The following SMYD3 variants were observed in gnomAD, a reference collection of about 807,000 sequenced individuals.
The protein encoded by SMYD3 is SET and MYND domain containing 3.
Under a neutral mutation model 57.7 loss-of-function variants are expected in SMYD3, and 36 were observed. That is an observed-to-expected ratio of 0.62 (90% CI 0.48 to 0.82). The LOEUF (loss-of-function observed/expected upper bound fraction) is 0.82, where lower values mean the gene tolerates loss of function less well. Among genes scored for constraint, SMYD3 ranks in the 40% least tolerant of loss-of-function variants. SMYD3 has a pLI of 0.00. For missense variants in SMYD3, 515 were observed against 538.8 expected, an observed-to-expected ratio of 0.96 and a Z score of 0.44; for synonymous variants, 211 against 195.0, an observed-to-expected ratio of 1.08 and a Z score of -0.68.
At chr1:245,961,697 G>A (rs1223367511) in intron 5 of SMYD3, among the ~76,000 whole-genome samples, 1 of 151,858 alleles carries the variant, frequency 6.6e-6, no homozygotes, top group African/African-American at 2.4e-5. Flanking sequence ...TTTTCACACA[G>A]TGCTCTAAGG....
intron 10 of SMYD3, among the ~76,000 whole-genome samples, chr1:245,791,777 A>G (rs1387133155): frequency 4.0e-5 from 6 of 150,346 alleles, no homozygotes; most frequent in Non-Finnish European, 8.9e-5. Flanking sequence ...GCCACTGAAA[A>G]CCTCCTCCTC....
chr1:246,256,515 G>T (rs981512046), intron 5 of SMYD3, among the ~76,000 whole-genome samples: 2 of 152,116 alleles, frequency 1.3e-5, no homozygotes, highest in Admixed American at 1.3e-4. Context: ...GTTTCTGTGG[G>T]ATCGGTTGTA....
At position 246,355,269 on chromosome 1, in the gene SMYD3, T is replaced by C; in HGVS notation, c.165-175A>G. ...GATGAGCCTCCTCTTGAACCTTCCA[T>C]GTGAGACACTGATAGAAAAACTAAG... is the stretch of plus-strand genomic sequence containing the variant. On this transcript the variant is annotated intron_variant, in intron 1 of 11. Transcript: ENST00000490107. The surrounding 1 kb of genome is among the most constrained non-coding windows in gnomAD (Gnocchi z 5.0). 1.7e-6 allele frequency: 1 copy of C among 593,896 alleles called. No homozygotes were observed. Among genetic ancestry groups the C allele is most frequent in the Non-Finnish European group, 3.0e-6 (1 of 336,502 alleles). 36.8% of individuals were successfully genotyped at this position (593,896 alleles called of 1,614,324 possible). A position where few individuals can be genotyped will look rare whatever the true frequency, so the allele number is the denominator to read the frequency against.
intron 5 of SMYD3, among the ~76,000 whole-genome samples, chr1:246,049,915 C>T (rs1254227819): frequency 6.6e-6 from 1 of 152,054 alleles, no homozygotes; most frequent in African/African-American, 2.4e-5. Flanking sequence ...CAGTGGTTTC[C>T]ACCAAGATAA....
At chr1:246,005,063 G>A (rs2059145593) in intron 5 of SMYD3, among the ~76,000 whole-genome samples, 1 of 152,176 alleles carries the variant, frequency 6.6e-6, no homozygotes, top group South Asian at 2.1e-4. Context: ...TGCCCATGCT[G>A]GTCTCAAACT....
chr1:246,140,985 T>C (rs892382620), intron 5 of SMYD3, among the ~76,000 whole-genome samples: 3 of 152,208 alleles, frequency 2.0e-5, no homozygotes, highest in Admixed American at 2.0e-4. Flanking sequence ...ATCTTTAGGA[T>C]CAATACTTAC....
At chr1:246,324,070 C>T (rs1346093435) in intron 5 of SMYD3, among the ~76,000 whole-genome samples, 2 of 152,086 alleles carry the variant, frequency 1.3e-5, no homozygotes, top group East Asian at 3.8e-4. Context: ...AAGACATAAG[C>T]AATTTTAGAA....
At chr1:245,994,021 C>T (rs746629382) in intron 5 of SMYD3, among the ~76,000 whole-genome samples, 18 of 152,172 alleles carry the variant, frequency 1.2e-4, no homozygotes, top group Non-Finnish European at 1.9e-4. Context: ...CATAGAAAAT[C>T]GTTCCGTTCT....
chr1:246,006,824 C>T (rs1421748885), intron 5 of SMYD3, among the ~76,000 whole-genome samples: 2 of 152,086 alleles, frequency 1.3e-5, no homozygotes, highest in East Asian at 1.9e-4. Flanking sequence ...CACATAATCG[C>T]GGGGCTATTG....
At chr1:245,913,394 G>A (rs1397525031) in intron 8 of SMYD3, among the ~76,000 whole-genome samples, 4 of 151,678 alleles carry the variant, frequency 2.6e-5, no homozygotes, top group Admixed American at 1.3e-4. Flanking sequence ...GATAGCATTA[G>A]GAGATATACC....
rs199722545 is a variant in SMYD3, at chr1:245,786,513, C to CTCTCCAGCCA, written c.1077-22374_1077-22365dup. 9.4e-3 allele frequency among the ~76,000 whole-genome samples: 1,429 copies of CTCTCCAGCCA among 152,202 alleles called. 17 individuals carry two copies. The highest frequency in any genetic ancestry group is 0.031 in the African/African-American group (1,299 of 41,510). ...CAGCCTGTGCTTCCTGAACCCAGCT[C>CTCTCCAGCCA]TCTCCAGCCATCTCATTGCCTCACT... On this transcript the variant is annotated intron_variant, in intron 10 of 11. Transcript: ENST00000490107.
chr1:246,436,451 C>T (rs1282626038), intron 1 of SMYD3, among the ~76,000 whole-genome samples: 1 of 152,136 alleles, frequency 6.6e-6, no homozygotes, highest in Non-Finnish European at 1.5e-5. Context: ...ACAATAATAG[C>T]ACAGAGGATT....
intron 5 of SMYD3, among the ~76,000 whole-genome samples, chr1:246,197,518 C>T (rs1414906037): frequency 2.0e-5 from 3 of 152,224 alleles, no homozygotes; most frequent in East Asian, 1.9e-4. Flanking sequence ...CTTCTTTCCA[C>T]GTAAGGTACG....
intron 5 of SMYD3, among the ~76,000 whole-genome samples, chr1:246,129,454 C>T (rs541268081): frequency 6.6e-6 from 1 of 151,862 alleles, no homozygotes; most frequent in South Asian, 2.1e-4. Context: ...TGGTTGACCT[C>T]AGCTTTTTTG....
intron 5 of SMYD3, among the ~76,000 whole-genome samples, chr1:246,050,277 T>G (rs2060045119): frequency 6.6e-6 from 1 of 152,156 alleles, no homozygotes; most frequent in African/African-American, 2.4e-5. Flanking sequence ...CACACAAAAA[T>G]AGTTCACAGA....
chr1:246,459,443 C>G (rs552931452), intron 1 of SMYD3, among the ~76,000 whole-genome samples: 22 of 151,856 alleles, frequency 1.4e-4, no homozygotes, highest in African/African-American at 5.3e-4. Context: ...TGTGGCACGT[C>G]CCCCTTCACT....
At chr1:246,103,190 T>C (rs1265886199) in intron 5 of SMYD3, among the ~76,000 whole-genome samples, 1 of 152,188 alleles carries the variant, frequency 6.6e-6, no homozygotes, top group Admixed American at 6.5e-5. Context: ...ATCAGAAAAC[T>C]GTCAGTCAAG....
rs74760202 is a variant in SMYD3, at chr1:246,301,575, A to G, written c.531+25626T>C. 3.3e-4 allele frequency among the ~76,000 whole-genome samples: 51 copies of G among 152,296 alleles called. No individual in the cohort carries two copies. In the East Asian group the frequency reaches 8.9e-3, roughly 26 times the overall value. On this transcript the variant is annotated intron_variant, in intron 5 of 11. Coordinates refer to ENST00000490107, the MANE Select transcript of SMYD3 (RefSeq NM_001167740.2). ...TTAATAAACTGCATGCACACATTTT[A>G]TACTGTCTATTGAGAGTCTGTTTTA...
chr1:246,095,447 G>A (rs1050724053), intron 5 of SMYD3, among the ~76,000 whole-genome samples: 2 of 152,206 alleles, frequency 1.3e-5, no homozygotes, highest in African/African-American at 2.4e-5. Flanking sequence ...AATATGCAAC[G>A]ATAAGGTGCA....
Sources: gnomAD v4.1 joint callset for allele counts (sites outside exome capture counted in the v4.1 genomes callset) on GRCh38, gnomAD v4.1.1 for gene constraint, Gnocchi (gnomAD v3.1) non-coding constraint, MANE v1.5 for transcripts, NCBI Gene and HGNC (gene_info 2026-07-23, HGNC 2026-07-21) for gene names.